The following OC90 variants were observed in gnomAD, a reference collection of about 807,000 sequenced individuals.
OC90 encodes otoconin 90.
OC90 carries 46 observed loss-of-function variants against 47.3 expected under a neutral mutation model. The ratio of observed to expected loss-of-function variants is 0.97; its 90% CI spans 0.77 to 1.24. The LOEUF is 1.24. OC90 is among the 50% of genes most tolerant of loss of function. OC90 has a pLI of 0.00. For synonymous variants in OC90, 271 were observed against 219.5 expected, an observed-to-expected ratio of 1.23 and a Z score of -2.07; for missense variants, 688 against 583.9, an observed-to-expected ratio of 1.18 and a Z score of -1.84.
At position 132,024,498 on chromosome 8, in the gene OC90, G is replaced by A; in HGVS notation, c.1417C>T (p.Pro473Ser). The change falls in exon 14 of 14, where the codon CCT becomes TCT. Residue 473 changes from proline (P) to serine (S), a missense_variant. Coordinates refer to ENST00000254627, the MANE Select transcript of OC90 (RefSeq NM_001080399.3). The part of the protein sequence containing the change: ...RKSLGPLGIG[P>S]LHGR ...CTGGGCATCTATCTTCCATGAAGAG[G>A]CCCGATCCCCAAGGGACCCAGTGAC... is the stretch of plus-strand genomic sequence containing the variant. 1 of 1,562,362 alleles carries A rather than the reference G, an allele frequency of 6.4e-7. No homozygotes were observed. The highest frequency in any genetic ancestry group is 8.7e-7 in the Non-Finnish European group (1 of 1,152,608).
At chr8:132,038,183 G>A (rs888127287) in intron 8 of OC90, among the ~76,000 whole-genome samples, 6 of 152,144 alleles carry the variant, frequency 3.9e-5, no homozygotes, top group Admixed American at 2.6e-4. Context: ...CCCATTTTTG[G>A]CAAGATCTAT....
chr8:132,044,339 C>T (rs1417086857), intron 4 of OC90, 94 bp downstream of exon 4: 11 of 733,402 alleles, frequency 1.5e-5, no homozygotes, highest in Middle Eastern at 4.7e-4. Context: ...ATGGGAGCTC[C>T]GAGGGTTGAG....
intron 7 of OC90, 33 bp from the exon 8 acceptor site, chr8:132,038,864 G>A: frequency 3.7e-6 from 6 of 1,612,388 alleles, no homozygotes; most frequent in Non-Finnish European, 5.1e-6. Context: ...AGTCTGTTGA[G>A]AGCAGTGGGT....
At chr8:132,028,676 AAGAAAGAAAG>A (rs1199904078) in intron 13 of OC90, among the ~76,000 whole-genome samples, 1 of 86,012 alleles carries the variant, frequency 1.2e-5, no homozygotes, top group Non-Finnish European at 2.4e-5. Context: ...GAGAGACAGA[AAGAAAGAAAG>A]AGAAAGAAAG....
At chr8:132,045,683 C>G in intron 3 of OC90, 135 bp downstream of exon 3, 1 of 580,828 alleles carries the variant, frequency 1.7e-6, no homozygotes, top group Non-Finnish European at 3.1e-6. Flanking sequence ...CTTTTGAGTC[C>G]CACTTCAATC....
intron 7 of OC90, 40 bp downstream of exon 7, chr8:132,038,955 A>C: frequency 6.2e-7 from 1 of 1,613,714 alleles, no homozygotes; most frequent in Non-Finnish European, 8.5e-7. Context: ...TGCTGTCCAG[A>C]TCCTCAGCCC....
chr8:132,047,556 T>C (rs1252496715), intron 2 of OC90, among the ~76,000 whole-genome samples: 1 of 152,172 alleles, frequency 6.6e-6, no homozygotes, highest in Non-Finnish European at 1.5e-5. Flanking sequence ...TGTATGCACA[T>C]AATAGCATGA....
intron 13 of OC90, among the ~76,000 whole-genome samples, chr8:132,027,935 A>G (rs563608343): frequency 2.4e-4 from 37 of 152,360 alleles, no homozygotes; most frequent in Non-Finnish European, 4.9e-4. Flanking sequence ...TGGTTTTACA[A>G]TTCAAATCTC....
In OC90 at chr8:132,039,106, C is replaced by T. The variant is rs371470124; in HGVS notation, c.475G>A (p.Glu159Lys). 64 of 1,609,858 alleles carry T rather than the reference C, an allele frequency of 4.0e-5. No individual in the cohort carries two copies. The highest frequency in any genetic ancestry group is 5.1e-5 in the Non-Finnish European group (60 of 1,178,174). ...TTATCACAGGTACACAGCAGGTGCT[C>T]ACAGTTGTCCTTGGACTCTGCACAC... The part of the protein sequence containing the change: ...KIICESKDNC[E>K]HLLCTCDKAA... Residue 159 changes from glutamate to lysine, a missense_variant, in exon 7 of 14, where the codon GAG becomes AAG. Transcript: ENST00000254627.
Position 132,041,696 on chromosome 8 carries a change from CAA to C in OC90, c.171_172del (p.Asp57GlufsTer38). The C allele has an allele frequency of 2.1e-6, 3 of 1,441,586 alleles. No individual in the cohort carries two copies. Among genetic ancestry groups the C allele is most frequent in the Non-Finnish European group, 2.9e-6 (3 of 1,049,802 alleles). 89.3% of individuals were successfully genotyped at this position (1,441,586 alleles called of 1,614,324 possible). A position where few individuals can be genotyped will look rare whatever the true frequency, so the allele number is the denominator to read the frequency against. On this transcript the variant is annotated frameshift_variant and splice_region_variant, in exon 5 of 14. Transcript: ENST00000254627. LOFTEE classifies it high-confidence loss of function. Reference sequence around the variant, plus strand: ...CAGCCAGGTGAAGTGGGGGCCCAGGCAATCTGTGGGGGTGGGGGGCAGGGCCT... The same window carrying C: ...CAGCCAGGTGAAGTGGGGGCCCAGGCTCTGTGGGGGTGGGGGGCAGGGCCT...
At chr8:132,028,686 G>A (rs200971731) in intron 13 of OC90, among the ~76,000 whole-genome samples, 30 of 127,094 alleles carry the variant, frequency 2.4e-4, no homozygotes, top group East Asian at 1.4e-3. Flanking sequence ...AAGAAAGAAA[G>A]AGAAAGAAAG....
At chr8:132,045,948 G>C in intron 2 of OC90, 65 bp from the exon 3 acceptor site, 1 of 879,752 alleles carries the variant, frequency 1.1e-6, no homozygotes, top group Non-Finnish European at 1.8e-6. Flanking sequence ...GCTGGACTAA[G>C]GCCAGAAGGC....
intron 12 of OC90, among the ~76,000 whole-genome samples, chr8:132,031,551 G>A (rs1822874145): frequency 6.6e-6 from 1 of 152,186 alleles, no homozygotes; most frequent in African/African-American, 2.4e-5. Context: ...CATTTGAAGG[G>A]TATTTGCAGA....
intron 13 of OC90, among the ~76,000 whole-genome samples, chr8:132,028,672 CAGAA>C (rs1220341100): frequency 5.9e-5 from 3 of 51,246 alleles, no homozygotes; most frequent in African/African-American, 8.8e-5. Flanking sequence ...GAAAGAGAGA[CAGAA>C]AGAAAGAAAG....
At chr8:132,054,189 A>T (rs922897150) in intron 2 of OC90, among the ~76,000 whole-genome samples, 3 of 152,302 alleles carry the variant, frequency 2.0e-5, no homozygotes, top group Admixed American at 1.3e-4. Flanking sequence ...GTCCCAGGGC[A>T]TGTAGGTATA....
chr8:132,058,295 T>G (rs971297780), intron 1 of OC90, among the ~76,000 whole-genome samples: 1 of 152,160 alleles, frequency 6.6e-6, no homozygotes, highest in Non-Finnish European at 1.5e-5. Flanking sequence ...CGCCCTTGGC[T>G]GTGGGGCTGT....
At chr8:132,033,653 G>A (rs1167790881) in intron 10 of OC90, among the ~76,000 whole-genome samples, 2 of 152,186 alleles carry the variant, frequency 1.3e-5, no homozygotes, top group African/African-American at 4.8e-5. Context: ...GTTCCTTCCT[G>A]TGGTCTGCAA....
rs768645859 is a variant in OC90, at chr8:132,045,843, C to G, written c.87G>C (p.Leu29=). The part of the protein sequence containing the change: ...PLDTPHLPQE[L]PPGLPNNINI... ...TGATATTGTTTGGGAGTCCTGGAGG[C>G]AGCTCCTGTGGAAGATGTGGAGTGT... Residue 29 remains leucine, a synonymous_variant, in exon 3 of 14, where the codon CTG becomes CTC. Coordinates refer to ENST00000254627, the MANE Select transcript of OC90 (RefSeq NM_001080399.3). The G allele has an allele frequency of 6.0e-5, 93 of 1,546,060 alleles. No individual in the cohort carries two copies. The East Asian group carries it at 9.3e-4, about 15-fold the overall frequency.
At chr8:132,036,516 G>A (rs1822966441) in intron 9 of OC90, 2 of 765,462 alleles carry the variant, frequency 2.6e-6, no homozygotes, top group Non-Finnish European at 4.8e-6. Context: ...TAAGAGAGGA[G>A]GCTTAGGGTA....
Sources: allele counts gnomAD v4.1 joint callset (sites outside exome capture counted in the v4.1 genomes callset), GRCh38; gene constraint gnomAD v4.1.1; transcripts MANE v1.5; gene names NCBI Gene and HGNC (gene_info 2026-07-23, HGNC 2026-07-21).